The following BTBD9 variants were observed in gnomAD, a reference collection of about 807,000 sequenced individuals.
BTBD9 encodes the protein BTB/POZ domain-containing protein 9.
A neutral mutation model predicts 64.3 loss-of-function variants in BTBD9; 49 were observed. That is an observed-to-expected ratio of 0.76 (90% confidence interval 0.61 to 0.97). The LOEUF is 0.97. BTBD9 is among the 50% of genes least tolerant of loss of function. The pLI is 0.00. For missense variants in BTBD9, 598 were observed against 762.1 expected (o/e 0.78, Z 2.53); for synonymous variants, 260 against 274.7 (o/e 0.95, Z 0.53).
chr6:38,499,769 G>A (rs1023251414), intron 6 of BTBD9, among the ~76,000 whole-genome samples: 8 of 152,176 alleles, frequency 5.3e-5, no homozygotes, highest in Non-Finnish European at 1.2e-4. Context: ...TATTCTGATA[G>A]CAACAAGAAC....
chr6:38,386,189 C>T (rs1766160875), intron 6 of BTBD9, among the ~76,000 whole-genome samples: 1 of 152,108 alleles, frequency 6.6e-6, no homozygotes, highest in Non-Finnish European at 1.5e-5. Flanking sequence ...TTTGTTATTT[C>T]ATTCCACTTA....
intron 7 of BTBD9, among the ~76,000 whole-genome samples, chr6:38,336,045 T>C (rs1763880140): frequency 1.3e-5 from 2 of 152,222 alleles, no homozygotes; most frequent in South Asian, 4.2e-4. Context: ...CTCCAGGTAG[T>C]TCTCTATAGC....
At chr6:38,421,769 T>A (rs1357198243) in intron 6 of BTBD9, among the ~76,000 whole-genome samples, 1 of 152,198 alleles carries the variant, frequency 6.6e-6, no homozygotes, top group Non-Finnish European at 1.5e-5. Context: ...CAAGGTTAAA[T>A]TATCAATGAA....
At chr6:38,267,266 G>A (rs1044151155) in intron 8 of BTBD9, among the ~76,000 whole-genome samples, 1 of 152,218 alleles carries the variant, frequency 6.6e-6, no homozygotes, top group African/African-American at 2.4e-5. Flanking sequence ...ATTTGTGTGA[G>A]CTTTTCTGTT....
chr6:38,639,463 C>G (rs74615709), intron 1 of BTBD9, among the ~76,000 whole-genome samples: 2,365 of 152,278 alleles, frequency 0.016, 43 homozygotes, highest in African/African-American at 0.053. Context: ...CAGTCCCAGG[C>G]AACGTCGTCT....
intron 9 of BTBD9, among the ~76,000 whole-genome samples, chr6:38,211,560 T>C (rs148908392): frequency 2.0e-5 from 3 of 152,044 alleles, no homozygotes; most frequent in East Asian, 1.9e-4. Flanking sequence ...CTGGCCAACA[T>C]GGCGAAAGCC....
chr6:38,361,538 G>C (rs955081655), intron 6 of BTBD9, among the ~76,000 whole-genome samples: 1 of 149,264 alleles, frequency 6.7e-6, no homozygotes, highest in African/African-American at 2.5e-5. Context: ...ACGAGACCCT[G>C]TCTCTTAAAA....
At chr6:38,238,484 T>TC (rs1376187235) in intron 9 of BTBD9, among the ~76,000 whole-genome samples, 1 of 149,314 alleles carries the variant, frequency 6.7e-6, no homozygotes, top group Non-Finnish European at 1.5e-5. Context: ...TTTGTTTTTT[T>TC]TTTTTTGAGA....
chr6:38,509,132 G>A (rs1211055398), intron 6 of BTBD9, among the ~76,000 whole-genome samples: 1 of 152,182 alleles, frequency 6.6e-6, no homozygotes, highest in Non-Finnish European at 1.5e-5. Context: ...GATGTTTACT[G>A]TTGTAACCCA....
At chr6:38,354,353 C>A (rs1764636005) in intron 6 of BTBD9, among the ~76,000 whole-genome samples, 1 of 152,112 alleles carries the variant, frequency 6.6e-6, no homozygotes, top group Non-Finnish European at 1.5e-5. Context: ...AACCCATACT[C>A]CGTACACTCA....
chr6:38,175,208 A>G (rs1157575111), intron 10 of BTBD9, 26 bp from the exon 11 acceptor site: 3 of 1,612,778 alleles, frequency 1.9e-6, no homozygotes, highest in Admixed American at 1.7e-5. Flanking sequence ...AAAAGACCCC[A>G]TGAGTGAAGG....
chr6:38,465,461 CA>C (rs762391834), intron 6 of BTBD9, among the ~76,000 whole-genome samples: 9,619 of 67,440 alleles, frequency 0.14, 376 homozygotes, highest in Non-Finnish European at 0.17. Context: ...ACTAAAAATA[CA>C]AAAAAAAAAA....
At chr6:38,361,314 C>T (rs527603196) in intron 6 of BTBD9, among the ~76,000 whole-genome samples, 98 of 151,944 alleles carry the variant, frequency 6.4e-4, no homozygotes, top group Non-Finnish European at 1.3e-3. Context: ...GAGGCTGAAG[C>T]GGGAGGACTG....
At chr6:38,282,086 G>A (rs548257251) in intron 8 of BTBD9, among the ~76,000 whole-genome samples, 27 of 152,168 alleles carry the variant, frequency 1.8e-4, no homozygotes, top group Non-Finnish European at 2.8e-4. Context: ...AAACTAAGGC[G>A]ACAGAGGGAC....
intron 1 of BTBD9, among the ~76,000 whole-genome samples, chr6:38,626,979 G>A (rs1778190349): frequency 6.6e-6 from 1 of 152,188 alleles, no homozygotes; most frequent in Non-Finnish European, 1.5e-5. Flanking sequence ...AATTACTTCA[G>A]TAAAGTATAC....
intron 6 of BTBD9, among the ~76,000 whole-genome samples, chr6:38,425,657 G>A (rs528718354): frequency 6.6e-6 from 1 of 151,526 alleles, no homozygotes; most frequent in East Asian, 1.9e-4. Context: ...TGTAATCCCA[G>A]CACTTTGGGA....
At chr6:38,408,570 A>G (rs1267905334) in intron 6 of BTBD9, among the ~76,000 whole-genome samples, 2 of 152,204 alleles carry the variant, frequency 1.3e-5, no homozygotes, top group Non-Finnish European at 2.9e-5. Flanking sequence ...GCCTTACATC[A>G]TGAGATATAG....
chr6:38,494,239 T>C (rs892665941), intron 6 of BTBD9, among the ~76,000 whole-genome samples: 10 of 152,236 alleles, frequency 6.6e-5, no homozygotes, highest in African/African-American at 2.4e-4. Flanking sequence ...TCCTTTTTCT[T>C]TTCTCTTTTA....
chr6:38,614,855 C>A (rs1405195188), intron 1 of BTBD9, among the ~76,000 whole-genome samples: 1 of 152,248 alleles, frequency 6.6e-6, no homozygotes, highest in Non-Finnish European at 1.5e-5. Flanking sequence ...GTCCTCCATG[C>A]AGGAGCCAGA....
Sources: allele counts gnomAD v4.1 joint callset (sites outside exome capture counted in the v4.1 genomes callset), GRCh38; gene constraint gnomAD v4.1.1; transcripts MANE v1.5; gene names NCBI Gene and HGNC (gene_info 2026-07-23, HGNC 2026-07-21).